Variants in SERINC1 observed in about 807,000 individuals in gnomAD.
SERINC1 encodes serine incorporator 1.
SERINC1 carries 38 observed loss-of-function variants against 52.9 expected under a neutral mutation model. The observed-to-expected ratio is 0.72, with a 90% CI of 0.55 to 0.94. SERINC1 has a LOEUF of 0.94. Ranked by LOEUF, SERINC1 falls within the 40% of genes least tolerant of loss-of-function variation. The pLI is 0.00. For synonymous variants in SERINC1, 198 were observed against 183.1 expected, an observed-to-expected ratio of 1.08 and a Z score of -0.66; for missense variants, 471 against 533.9, an observed-to-expected ratio of 0.88 and a Z score of 1.16.
Position 122,446,882 on chromosome 6 carries a change from C to T in SERINC1, c.1118G>A (p.Arg373Gln), listed in dbSNP as rs538670201. The T allele has an allele frequency of 3.0e-5, 48 of 1,613,300 alleles. No homozygotes were observed. Among genetic ancestry groups the T allele is most frequent in the African/African-American group, 4.0e-5 (3 of 75,000 alleles). The stretch of plus-strand genomic sequence containing the variant: ...ACCATCCCTTTCATTATCTACAGCT[C>T]GGTGAACATCGTCCCCATCCTCCAG... ...GSLEDGDDVH[R>Q]AVDNERDGVT... The change falls in exon 9 of 10, where the codon CGA (arginine) becomes CAA (glutamine). Residue 373 changes from arginine to glutamine, a missense_variant. By Grantham distance (43) the Arg-to-Gln change is conservative. Transcript: ENST00000339697.
chr6:122,457,598 AACAG>A (rs1053541802), intron 2 of SERINC1, among the ~76,000 whole-genome samples: 5 of 152,154 alleles, frequency 3.3e-5, no homozygotes, highest in Non-Finnish European at 5.9e-5. Flanking sequence ...CCCTTATAAA[AACAG>A]ACAGAAGAGA....
chr6:122,447,249 T>C lies in SERINC1; in HGVS notation c.867A>G (p.Pro289=), dbSNP rs1019279613. 6.2e-7 allele frequency: 1 copy of C among 1,608,344 alleles called. No individual in the cohort carries two copies. The highest frequency in any genetic ancestry group is 1.3e-5 in the African/African-American group (1 of 74,620). Residue 289 remains proline, a synonymous_variant, in exon 8 of 10, where the codon CCA becomes CCG. Transcript: ENST00000339697. The stretch of plus-strand genomic sequence containing the variant: ...TGTAGCCAATTATGCTTAGTAGACT[T>C]GGGTTGCAATTTGTTTCTGTAATAT... ...MTNEPETNCN[P]SLLSIIGYNT...
chr6:122,456,030 A>G (rs1774987063), intron 3 of SERINC1, among the ~76,000 whole-genome samples: 1 of 152,168 alleles, frequency 6.6e-6, no homozygotes, highest in Admixed American at 6.6e-5. Context: ...AAACAGTCAA[A>G]TAAGGGTACC....
At chr6:122,467,817 T>C (rs189617001) in intron 1 of SERINC1, among the ~76,000 whole-genome samples, 4 of 152,288 alleles carry the variant, frequency 2.6e-5, no homozygotes, top group Admixed American at 2.6e-4. Context: ...TGGAAAGCTA[T>C]GGGGACATCA....
intron 1 of SERINC1, 85 bp from the exon 2 acceptor site, chr6:122,458,766 T>C: frequency 1.0e-6 from 1 of 994,436 alleles, no homozygotes. Context: ...ATTGACATTC[T>C]ATCTGTTAAA....
At chr6:122,454,824 G>C (rs1429281435) in intron 3 of SERINC1, among the ~76,000 whole-genome samples, 2 of 152,194 alleles carry the variant, frequency 1.3e-5, no homozygotes, top group Non-Finnish European at 2.9e-5. Flanking sequence ...ATCAATACCA[G>C]CTATGACCAC....
intron 7 of SERINC1, among the ~76,000 whole-genome samples, chr6:122,448,009 G>A (rs1774836782): frequency 6.6e-6 from 1 of 151,750 alleles, no homozygotes; most frequent in Admixed American, 6.6e-5. Flanking sequence ...AGCTACTCGG[G>A]AGGCTGAGGC....
intron 1 of SERINC1, among the ~76,000 whole-genome samples, chr6:122,469,926 A>G (rs1028307050): frequency 2.0e-5 from 3 of 152,230 alleles, no homozygotes; most frequent in Non-Finnish European, 2.9e-5. Flanking sequence ...TGAGCACATT[A>G]ACTGTTAAGA....
chr6:122,451,635 T>C lies in SERINC1; in HGVS notation c.850+29A>G, dbSNP rs193169131. On this transcript the variant is annotated intron_variant, in intron 7 of 9. Coordinates refer to ENST00000339697, the MANE Select transcript of SERINC1 (RefSeq NM_020755.4). ...GGAAAAACAACAACTGCAGAACCTT[T>C]AGGAACATGTAATATAAATAAAACA... is the stretch of plus-strand genomic sequence containing the variant. 696 of 820,228 alleles carry C rather than the reference T, an allele frequency of 8.5e-4. 2 individuals carry two copies. In the African/African-American group the frequency reaches 0.011, roughly 12 times the overall value. The allele number at this position is 820,228 out of a possible 1,614,324, so 50.8% of individuals were successfully genotyped here. A position where few individuals can be genotyped will look rare whatever the true frequency, so the allele number is the denominator to read the frequency against.
At chr6:122,462,353 C>A (rs762096577) in intron 1 of SERINC1, among the ~76,000 whole-genome samples, 1 of 152,166 alleles carries the variant, frequency 6.6e-6, no homozygotes. Flanking sequence ...CAACTTCACA[C>A]TGGAGGTCCC....
rs1491002990 is a variant in SERINC1 at position 122,447,250 on chromosome 6, G to C, written c.866C>G (p.Pro289Arg). 1.2e-6 allele frequency: 2 copies of C among 1,607,766 alleles called. No individual in the cohort carries two copies. The highest frequency in any genetic ancestry group is 4.5e-5 in the East Asian group (2 of 44,828). Residue 289 changes from proline to arginine, a missense_variant, in exon 8 of 10, where the codon CCA becomes CGA. Pro to Arg is a moderately radical substitution (Grantham distance 103, BLOSUM62 -2). Coordinates refer to ENST00000339697, the MANE Select transcript of SERINC1 (RefSeq NM_020755.4). ...MTNEPETNCN[P>R]SLLSIIGYNT... ...GTAGCCAATTATGCTTAGTAGACTT[G>C]GGTTGCAATTTGTTTCTGTAATATA...
At chr6:122,464,849 T>C (rs370165956) in intron 1 of SERINC1, among the ~76,000 whole-genome samples, 5 of 152,148 alleles carry the variant, frequency 3.3e-5, no homozygotes, top group African/African-American at 1.2e-4. Flanking sequence ...ACTACCAGAA[T>C]TACCTGGAGG....
intron 1 of SERINC1, among the ~76,000 whole-genome samples, chr6:122,469,954 C>T (rs966661996): frequency 1.3e-5 from 2 of 152,132 alleles, no homozygotes; most frequent in African/African-American, 2.4e-5. Flanking sequence ...AGAGATGGTC[C>T]CCTTCAATGA....
chr6:122,454,029 T>G lies in SERINC1; in HGVS notation c.451+122A>C, dbSNP rs895221681. On this transcript the variant is annotated intron_variant, in intron 4 of 9. Transcript: ENST00000339697. Reference sequence around the variant, plus strand: ...ATATGAACATCTTGATTTTGCCAACTGGGGAAACACACACACACACACCCC... The same window carrying G: ...ATATGAACATCTTGATTTTGCCAACGGGGGAAACACACACACACACACCCC... 36 of 1,219,502 alleles carry G rather than the reference T, an allele frequency of 3.0e-5. 4 individuals are homozygous for G. The Admixed American group carries it at 5.9e-4, about 20-fold the overall frequency. The allele number at this position is 1,219,502 out of a possible 1,614,324, so 75.5% of individuals were successfully genotyped here.
intron 1 of SERINC1, among the ~76,000 whole-genome samples, chr6:122,466,110 T>C (rs926360662): frequency 3.9e-5 from 6 of 152,104 alleles, no homozygotes; most frequent in Non-Finnish European, 8.8e-5. Flanking sequence ...GTTGTGCACC[T>C]ATAGTCCCAG....
intron 1 of SERINC1, 49 bp downstream of exon 1, chr6:122,471,650 T>A: frequency 4.3e-6 from 7 of 1,613,420 alleles, no homozygotes; most frequent in Non-Finnish European, 5.9e-6. Flanking sequence ...GATCGCCTTC[T>A]CTTTGGTCTC....
chr6:122,461,074 A>G (rs994398968), intron 1 of SERINC1, among the ~76,000 whole-genome samples: 2 of 152,208 alleles, frequency 1.3e-5, no homozygotes, highest in African/African-American at 4.8e-5. Flanking sequence ...ATAGCCTAAT[A>G]TAAGTGAAAT....
chr6:122,466,052 AT>A (rs1227522445), intron 1 of SERINC1, among the ~76,000 whole-genome samples: 5 of 152,086 alleles, frequency 3.3e-5, no homozygotes, highest in Admixed American at 2.6e-4. Flanking sequence ...CCTGGCCAAC[AT>A]GGTGAAACAG....
At chr6:122,454,863 ATTG>A (rs1484858541) in intron 3 of SERINC1, among the ~76,000 whole-genome samples, 3 of 152,164 alleles carry the variant, frequency 2.0e-5, no homozygotes, top group Non-Finnish European at 4.4e-5. Context: ...GAGGGCTGTA[ATTG>A]TTGTGAGTAC....
Sources: gnomAD v4.1 joint callset for allele counts (sites outside exome capture counted in the v4.1 genomes callset) on GRCh38, gnomAD v4.1.1 for gene constraint, MANE v1.5 for transcripts, NCBI Gene and HGNC (gene_info 2026-07-23, HGNC 2026-07-21) for gene names.